VAPB: variants seen among roughly 807,000 people sequenced by gnomAD.
VAPB encodes the protein VAMP associated protein B and C, also known as vesicle-associated membrane protein-associated protein B/C.
Under a neutral mutation model 25.6 loss-of-function variants are expected in VAPB, and 7 were observed. The observed-to-expected ratio is 0.27, with a 90% confidence interval of 0.16 to 0.51. The LOEUF is 0.51. Among genes scored for constraint, VAPB ranks in the 20% least tolerant of loss-of-function variants. The pLI is 0.97. For missense variants in VAPB, 266 were observed against 301.3 expected (o/e 0.88, Z 0.87); for synonymous variants, 112 against 109.2 (o/e 1.03, Z -0.16).
At position 58,429,065 on chromosome 20, in the gene VAPB, T is replaced by C. The variant is rs535348243; in HGVS notation, c.212-5537T>C. 1.2e-3 allele frequency among the ~76,000 whole-genome samples: 178 copies of C among 152,166 alleles called. No individual in the cohort carries two copies. The Middle Eastern group carries it at 0.014, about 12-fold the overall frequency. On this transcript the variant is annotated intron_variant, in intron 2 of 5. Coordinates refer to ENST00000475243, the MANE Select transcript of VAPB (RefSeq NM_004738.5). ...GGGGCCTGAGCTGAGATTGTAGGCG[T>C]GTAAATGCGAAGAGATTTCAAAGAT...
At chr20:58,418,958 C>T (rs1433929024) in intron 2 of VAPB, among the ~76,000 whole-genome samples, 1 of 152,084 alleles carries the variant, frequency 6.6e-6, no homozygotes, top group Non-Finnish European at 1.5e-5. Flanking sequence ...CCAAAATCCA[C>T]CTTTTGAAAA....
chr20:58,411,740 A>G (rs753972983), intron 1 of VAPB, among the ~76,000 whole-genome samples: 11 of 152,124 alleles, frequency 7.2e-5, no homozygotes, highest in Non-Finnish European at 1.3e-4. Flanking sequence ...GTGCAGTGGC[A>G]CGATCTCAGC....
intron 1 of VAPB, among the ~76,000 whole-genome samples, chr20:58,401,265 A>G (rs1166217174): frequency 6.6e-6 from 1 of 152,094 alleles, no homozygotes; most frequent in Admixed American, 6.6e-5. Context: ...AGTCATTTTC[A>G]TTAAACATTT....
chr20:58,447,040 G>T lies in VAPB; in HGVS notation c.*2805G>T, dbSNP rs775574465. The stretch of plus-strand genomic sequence containing the variant: ...AAAGAGCGAGCCTAGGGAGGATGCC[G>T]CTGGGCAGTGTGCATGGGGGAGCTG... On this transcript the variant is annotated 3_prime_UTR_variant, in exon 6 of 6. Coordinates refer to ENST00000475243, the MANE Select transcript of VAPB (RefSeq NM_004738.5). 1 of 454,006 alleles carries T rather than the reference G, an allele frequency of 2.2e-6. No homozygotes were observed. The highest frequency in any genetic ancestry group is 1.6e-5 in the South Asian group (1 of 64,480). 28.1% of individuals were successfully genotyped at this position (454,006 alleles called of 1,614,324 possible).
chr20:58,436,390 G>A (rs1382697492), intron 3 of VAPB, among the ~76,000 whole-genome samples: 1 of 138,570 alleles, frequency 7.2e-6, no homozygotes, highest in Non-Finnish European at 1.5e-5. Flanking sequence ...CTGGAATGCA[G>A]TGGAGTGATC....
intron 2 of VAPB, among the ~76,000 whole-genome samples, chr20:58,428,689 A>C (rs1472415310): frequency 1.3e-5 from 2 of 152,220 alleles, no homozygotes; most frequent in Non-Finnish European, 2.9e-5. Context: ...CCATGGTAAA[A>C]AGTACATAAT....
intron 1 of VAPB, among the ~76,000 whole-genome samples, chr20:58,411,797 G>C (rs1672645867): frequency 6.6e-6 from 1 of 152,162 alleles, no homozygotes. Flanking sequence ...CCCTGCCTCA[G>C]CCTCCAGAGT....
rs372101774 is a variant in VAPB, at chr20:58,440,965, T to C, written c.455T>C (p.Ile152Thr). The C allele has an allele frequency of 3.1e-6, 5 of 1,613,932 alleles. No homozygotes were observed. In the African/African-American group the frequency reaches 6.7e-5, roughly 22 times the overall value. Residue 152 changes from isoleucine (I) to threonine (T), a missense_variant, in exon 5 of 6, where the codon ATA (isoleucine) becomes ACA (threonine). By Grantham distance (89) the Ile-to-Thr change is moderately conservative. Transcript: ENST00000475243. ...STTASKTETP[I>T]VSKSLSSSLD... ...ACTGCATCAAAGACAGAAACACCAA[T>C]AGTGTCTAAGTCTCTGAGTTCTTCT...
At position 58,444,216 on chromosome 20, in the gene VAPB, T is replaced by C; in HGVS notation, c.713T>C (p.Ile238Thr). ...VVLFFIVGVI[I>T]GKIAL ...TTGTTCTTTATCGTTGGTGTAATTA[T>C]TGGGAAGATTGCCTTGTAGAGGTAG... is the stretch of plus-strand genomic sequence containing the variant. The change falls in exon 6 of 6, where the codon ATT becomes ACT. Residue 238 changes from isoleucine (I) to threonine (T), a missense_variant. Ile to Thr is a moderately conservative substitution (Grantham distance 89). This residue lies in a region of VAPB where 136 missense variants were observed against 130.7 expected (regional missense o/e 1.04). Coordinates refer to ENST00000475243, the MANE Select transcript of VAPB (RefSeq NM_004738.5). 1.2e-6 allele frequency: 2 copies of C among 1,614,222 alleles called. No individual in the cohort carries two copies. The highest frequency in any genetic ancestry group is 2.2e-5 in the East Asian group (1 of 44,882).
chr20:58,393,678 T>C (rs1171177961), intron 1 of VAPB, among the ~76,000 whole-genome samples: 1 of 152,158 alleles, frequency 6.6e-6, no homozygotes, highest in Non-Finnish European at 1.5e-5. Context: ...CACATGGAAA[T>C]GGTCTGTTGA....
At position 58,389,425 on chromosome 20, in the gene VAPB, G is replaced by T; in HGVS notation, c.-35G>T. 6.3e-7 allele frequency: 1 copy of T among 1,574,842 alleles called. No individual in the cohort carries two copies. Among genetic ancestry groups the T allele is most frequent in the Non-Finnish European group, 8.6e-7 (1 of 1,160,580 alleles). On this transcript the variant is annotated 5_prime_UTR_variant, in exon 1 of 6. Transcript: ENST00000475243. ...TTCCCGCCCCGGTGACCTCTCAGGG[G>T]TCTCCCCGCCAAAGGTGCTCCGCCG...
chr20:58,445,976 C>T lies in VAPB; in HGVS notation c.*1741C>T. 1 of 454,050 alleles carries T rather than the reference C, an allele frequency of 2.2e-6. No individual in the cohort carries two copies. The highest frequency in any genetic ancestry group is 4.4e-6 in the Non-Finnish European group (1 of 226,778). The allele number at this position is 454,050 out of a possible 1,614,324, so 28.1% of individuals were successfully genotyped here. A position where few individuals can be genotyped will look rare whatever the true frequency, so the allele number is the denominator to read the frequency against. On this transcript the variant is annotated 3_prime_UTR_variant, in exon 6 of 6. Coordinates refer to ENST00000475243, the MANE Select transcript of VAPB (RefSeq NM_004738.5). ...GTCACATACGTTGAGCCACGTTGCTCCTAAGCCTGGCTCTGTCAAGCTGGG... is the reference window on the plus strand; with the variant it reads ...GTCACATACGTTGAGCCACGTTGCTTCTAAGCCTGGCTCTGTCAAGCTGGG...
intron 1 of VAPB, chr20:58,390,136 GT>G (rs1364820247): frequency 6.6e-6 from 1 of 152,274 alleles, no homozygotes; most frequent in African/African-American, 2.4e-5. Context: ...AGATGAACAT[GT>G]TGAACCAACA....
intron 4 of VAPB, 179 bp from the exon 5 acceptor site, chr20:58,440,728 T>A: frequency 1.7e-6 from 1 of 575,260 alleles, no homozygotes; most frequent in Non-Finnish European, 3.0e-6. Flanking sequence ...TAGGGCCCTG[T>A]TGCTTTAGAT....
chr20:58,418,097 T>G, intron 1 of VAPB, 114 bp from the exon 2 acceptor site: 123 of 1,397,136 alleles, frequency 8.8e-5, no homozygotes, highest in Non-Finnish European at 1.2e-4. Context: ...GGCATGTTAA[T>G]GAGATAATCG....
chr20:58,432,364 G>A (rs1221306300), intron 2 of VAPB: 1 of 152,186 alleles, frequency 6.6e-6, no homozygotes, highest in East Asian at 1.9e-4. Flanking sequence ...CAGAGTGGTA[G>A]ACTTGGGAGT....
At position 58,444,768 on chromosome 20, in the gene VAPB, A is replaced by C. The variant is rs749321524; in HGVS notation, c.*533A>C. 1 of 454,416 alleles carries C rather than the reference A, an allele frequency of 2.2e-6. No individual in the cohort carries two copies. The highest frequency in any genetic ancestry group is 4.4e-6 in the Non-Finnish European group (1 of 226,822). The allele number at this position is 454,416 out of a possible 1,614,324, so 28.1% of individuals were successfully genotyped here. On this transcript the variant is annotated 3_prime_UTR_variant, in exon 6 of 6. Coordinates refer to ENST00000475243, the MANE Select transcript of VAPB (RefSeq NM_004738.5). ...ATGAACAGAGTCAGAAGCCCAAAGG[A>C]ATTGCACTGTGGCAGCATCAGACGT...
chr20:58,395,247 GT>G (rs1252787355), intron 1 of VAPB, among the ~76,000 whole-genome samples: 1 of 151,568 alleles, frequency 6.6e-6, no homozygotes, highest in Non-Finnish European at 1.5e-5. Flanking sequence ...CGCCTCCTGG[GT>G]TCAAACGATT....
intron 5 of VAPB, 129 bp from the exon 6 acceptor site, chr20:58,443,948 G>T: frequency 7.3e-7 from 1 of 1,360,990 alleles, no homozygotes; most frequent in South Asian, 1.2e-5. Context: ...TTCTCCGTTT[G>T]CAAAATGCGG....
Sources: allele counts gnomAD v4.1 joint callset (sites outside exome capture counted in the v4.1 genomes callset), GRCh38; gene constraint gnomAD v4.1.1; regional missense constraint gnomAD v4.1.1; transcripts MANE v1.5; gene names NCBI Gene and HGNC (gene_info 2026-07-23, HGNC 2026-07-21).